Variants in CDH23 observed in about 807,000 individuals in gnomAD.
The protein encoded by CDH23 is cadherin related 23.
Under a neutral mutation model 317.1 loss-of-function variants are expected in CDH23, and 189 were observed. The ratio of observed to expected loss-of-function variants is 0.60; its 90% CI spans 0.53 to 0.67. The LOEUF (loss-of-function observed/expected upper bound fraction) is 0.67, where lower values mean the gene tolerates loss of function less well. CDH23 is among the 30% of genes least tolerant of loss of function. CDH23 has a pLI of 0.00. For missense variants in CDH23, 4,401 were observed against 4,592.4 expected (o/e 0.96, Z 1.20); for synonymous variants, 1,839 against 1,876.8 (o/e 0.98, Z 0.52).
chr10:71,507,857 C>A (rs1853733578), intron 3 of CDH23, among the ~76,000 whole-genome samples: 1 of 152,206 alleles, frequency 6.6e-6, no homozygotes, highest in Non-Finnish European at 1.5e-5. Flanking sequence ...CTAGAAAGAG[C>A]AATGAACTGG....
At position 71,734,461 on chromosome 10, in the gene CDH23, T is replaced by G. The variant is rs1016732195; in HGVS notation, c.4206+120T>G. On this transcript the variant is annotated intron_variant, in intron 33 of 69. Transcript: ENST00000224721. ...GCCAGGCAGCGGGCGAGGGTCTTGA[T>G]AGCCTGAGGCTTCGCCATGTCCAGC... 12 of 1,495,612 alleles carry G rather than the reference T, an allele frequency of 8.0e-6. No homozygotes were observed. In the African/African-American group the frequency reaches 1.7e-4, roughly 21 times the overall value. 92.6% of individuals were successfully genotyped at this position (1,495,612 alleles called of 1,614,324 possible). A position where few individuals can be genotyped will look rare whatever the true frequency, so the allele number is the denominator to read the frequency against.
chr10:71,522,718 A>G (rs888642570), intron 6 of CDH23, among the ~76,000 whole-genome samples: 8 of 152,162 alleles, frequency 5.3e-5, no homozygotes, highest in Non-Finnish European at 8.8e-5. Flanking sequence ...TCAGGTGGAT[A>G]TGGAGCTGCC....
At chr10:71,521,267 G>T (rs1854662386) in intron 6 of CDH23, among the ~76,000 whole-genome samples, 1 of 152,096 alleles carries the variant, frequency 6.6e-6, no homozygotes, top group Non-Finnish European at 1.5e-5. Context: ...GCCCACTCAC[G>T]TCCTTGCCCC....
At position 71,815,005 on chromosome 10, in the gene CDH23, T is replaced by C. The variant is rs1400334238; in HGVS notation, c.9792T>C (p.Gly3264=). 1.9e-6 allele frequency: 3 copies of C among 1,612,342 alleles called. No individual in the cohort carries two copies. The highest frequency in any genetic ancestry group is 2.5e-6 in the Non-Finnish European group (3 of 1,179,728). ...CAGGAGACCACAGCCCAGGGCAGGG[T>C]AGCCTGCGCTTCCGCCACAAGCCAC... The part of the protein sequence containing the change: ...EEPGDHSPGQ[G]SLRFRHKPPV... Residue 3264 remains glycine, a synonymous_variant, in exon 70 of 70, where the codon GGT becomes GGC. Transcript: ENST00000224721.
chr10:71,557,361 C>T (rs1856921635), intron 6 of CDH23, among the ~76,000 whole-genome samples: 1 of 152,158 alleles, frequency 6.6e-6, no homozygotes, highest in Non-Finnish European at 1.5e-5. Flanking sequence ...ACAACATTCT[C>T]CCTGGAGTGT....
At chr10:71,443,962 G>A (rs1850030163) in intron 2 of CDH23, among the ~76,000 whole-genome samples, 1 of 152,240 alleles carries the variant, frequency 6.6e-6, no homozygotes, top group African/African-American at 2.4e-5. Flanking sequence ...ATTAGTGGCA[G>A]GCCCTGTAAA....
intron 3 of CDH23, among the ~76,000 whole-genome samples, chr10:71,496,182 G>A (rs1020710277): frequency 3.9e-5 from 6 of 152,220 alleles, no homozygotes; most frequent in Admixed American, 6.5e-5. Context: ...ATCCTTAGTG[G>A]TTGGGGCCTG....
chr10:71,417,426 C>T (rs1848584099), intron 1 of CDH23, among the ~76,000 whole-genome samples: 1 of 152,138 alleles, frequency 6.6e-6, no homozygotes, highest in South Asian at 2.1e-4. Flanking sequence ...ACTTTGTATC[C>T]TTAGGATTTA....
intron 3 of CDH23, among the ~76,000 whole-genome samples, chr10:71,451,523 AC>A (rs925557546): frequency 1.4e-4 from 22 of 151,936 alleles, no homozygotes; most frequent in African/African-American, 4.8e-4. Context: ...GCAAGCTCCC[AC>A]TTCACGGTCT....
intron 3 of CDH23, among the ~76,000 whole-genome samples, chr10:71,468,746 C>T (rs1352698648): frequency 3.3e-5 from 5 of 152,224 alleles, no homozygotes; most frequent in East Asian, 1.9e-4. Context: ...CCTCTTAACT[C>T]GAACACTTGT....
At chr10:71,558,088 C>G (rs550344220) in intron 6 of CDH23, among the ~76,000 whole-genome samples, 14 of 60,338 alleles carry the variant, frequency 2.3e-4, no homozygotes, top group African/African-American at 1.1e-3. Flanking sequence ...ACATCTCCCT[C>G]CTGGGTTCAA....
At chr10:71,737,719 C>T in intron 34 of CDH23, 1 of 470,920 alleles carries the variant, frequency 2.1e-6, no homozygotes, top group South Asian at 1.5e-5. Context: ...TCAGTGAACC[C>T]CTGGGTACCT....
chr10:71,755,699 T>G (rs1840124346), intron 38 of CDH23, among the ~76,000 whole-genome samples: 2 of 152,058 alleles, frequency 1.3e-5, no homozygotes, highest in South Asian at 4.1e-4. Context: ...ACAAGACCTG[T>G]CACCTACAGC....
At chr10:71,467,814 G>A (rs947010998) in intron 3 of CDH23, among the ~76,000 whole-genome samples, 1 of 152,244 alleles carries the variant, frequency 6.6e-6, no homozygotes, top group East Asian at 1.9e-4. Flanking sequence ...TCCCCACTGC[G>A]CAGAGGAGCA....
intron 6 of CDH23, among the ~76,000 whole-genome samples, chr10:71,544,999 G>A (rs1026972210): frequency 1.1e-4 from 16 of 152,202 alleles, no homozygotes; most frequent in Admixed American, 4.6e-4. Context: ...GTCAGTCCCC[G>A]ACCCCAACCC....
At chr10:71,632,061 G>A (rs935169278) in intron 11 of CDH23, among the ~76,000 whole-genome samples, 1 of 152,108 alleles carries the variant, frequency 6.6e-6, no homozygotes, top group African/African-American at 2.4e-5. Flanking sequence ...GGAGGGGATA[G>A]GTAACAAGAA....
chr10:71,591,158 G>T (rs1859468261), intron 9 of CDH23, among the ~76,000 whole-genome samples: 1 of 152,186 alleles, frequency 6.6e-6, no homozygotes, highest in Middle Eastern at 3.2e-3. Context: ...GTTCCTGGGG[G>T]AGATCAGAGG....
chr10:71,805,880 C>CT lies in CDH23; in HGVS notation c.7948dup (p.Tyr2650LeufsTer68). 6.2e-7 allele frequency: 1 copy of CT among 1,613,840 alleles called. No homozygotes were observed. On this transcript the variant is annotated frameshift_variant, in exon 56 of 70. Transcript: ENST00000224721. LOFTEE classifies it high-confidence loss of function. The stretch of plus-strand genomic sequence containing the variant: ...ATGAGGGCCTCAACGGGGCGGTGCG[C>CT]TACAGCTTCCTGAAGACTGCGGGCA...
intron 3 of CDH23, among the ~76,000 whole-genome samples, chr10:71,474,562 GCTGTTAGACCTGTGC>G (rs1851690669): frequency 6.6e-6 from 1 of 152,230 alleles, no homozygotes; most frequent in Admixed American, 6.5e-5. Flanking sequence ...GCAACTAGCA[GCTGTTAGACCTGTGC>G]CTCAGTTTCC....
Sources: gnomAD v4.1 joint callset for allele counts (sites outside exome capture counted in the v4.1 genomes callset) on GRCh38, gnomAD v4.1.1 for gene constraint, MANE v1.5 for transcripts, NCBI Gene and HGNC (gene_info 2026-07-23, HGNC 2026-07-21) for gene names.